Variants in IQCJ observed in about 807,000 individuals in gnomAD.
The protein encoded by IQCJ is IQ domain-containing protein J.
Under a neutral mutation model 11.0 loss-of-function variants are expected in IQCJ, and 9 were observed. The ratio of observed to expected loss-of-function variants is 0.82; its 90% CI spans 0.49 to 1.43. The LOEUF is 1.43. Among genes scored for constraint, IQCJ ranks in the 40% most tolerant of loss-of-function variants. IQCJ has a pLI of 0.00. For missense variants in IQCJ, 146 were observed against 133.2 expected (o/e 1.10, Z -0.47); for synonymous variants, 55 against 51.3 (o/e 1.07, Z -0.31).
chr3:159,140,649 T>C (rs995593576), intron 1 of IQCJ, among the ~76,000 whole-genome samples: 14 of 152,168 alleles, frequency 9.2e-5, no homozygotes, highest in African/African-American at 3.4e-4. Context: ...GGGTCTGGAA[T>C]GAAAGTGATT....
intron 1 of IQCJ, among the ~76,000 whole-genome samples, chr3:159,132,501 G>A (rs1486173096): frequency 3.3e-5 from 5 of 152,106 alleles, no homozygotes; most frequent in Non-Finnish European, 5.9e-5. Context: ...GAGAAAGATG[G>A]GTGAGTAATG....
At chr3:159,194,891 C>T (rs146109104) in intron 1 of IQCJ, among the ~76,000 whole-genome samples, 2 of 151,996 alleles carry the variant, frequency 1.3e-5, no homozygotes, top group Non-Finnish European at 2.9e-5. Context: ...AGTGGGCAGA[C>T]CATGAGGTTA....
chr3:159,108,137 G>A (rs763219516), intron 1 of IQCJ, among the ~76,000 whole-genome samples: 1 of 151,994 alleles, frequency 6.6e-6, no homozygotes. Flanking sequence ...TTTGCACAAT[G>A]TAAGTGGCCT....
chr3:159,136,473 CA>C (rs1439390023), intron 1 of IQCJ, among the ~76,000 whole-genome samples: 4 of 152,134 alleles, frequency 2.6e-5, no homozygotes, highest in Admixed American at 2.0e-4. Context: ...ATATCTAAGG[CA>C]AAAGACTCAT....
intron 1 of IQCJ, among the ~76,000 whole-genome samples, chr3:159,110,058 C>T (rs1424101683): frequency 6.6e-6 from 1 of 152,134 alleles, no homozygotes; most frequent in African/African-American, 2.4e-5. Context: ...CTGCCTTCAA[C>T]TTCATGCTTT....
chr3:159,156,456 G>C (rs1721527716), intron 1 of IQCJ, among the ~76,000 whole-genome samples: 1 of 152,178 alleles, frequency 6.6e-6, no homozygotes, highest in Non-Finnish European at 1.5e-5. Flanking sequence ...AGAAGAGGCT[G>C]TATGGCACGT....
chr3:159,246,122 T>A (rs903826231), intron 2 of IQCJ, among the ~76,000 whole-genome samples: 1 of 151,022 alleles, frequency 6.6e-6, no homozygotes, highest in African/African-American at 2.5e-5. Context: ...CAGAGTAATA[T>A]GATGCCTGGA....
intron 2 of IQCJ, among the ~76,000 whole-genome samples, chr3:159,249,384 G>A (rs1351039334): frequency 6.6e-6 from 1 of 152,098 alleles, no homozygotes; most frequent in African/African-American, 2.4e-5. Flanking sequence ...GAAATGACCA[G>A]TTTGTTTTGT....
chr3:159,242,593 G>T (rs904721129), intron 1 of IQCJ, among the ~76,000 whole-genome samples: 1 of 144,808 alleles, frequency 6.9e-6, no homozygotes, highest in Non-Finnish European at 1.5e-5. Context: ...TTTGGTATCA[G>T]AAAAACAATA....
At chr3:159,106,975 C>A (rs187310077) in intron 1 of IQCJ, among the ~76,000 whole-genome samples, 1 of 152,148 alleles carries the variant, frequency 6.6e-6, no homozygotes, top group Non-Finnish European at 1.5e-5. Context: ...ATTACTTTGA[C>A]TGTACAGATA....
At chr3:159,112,548 T>C (rs1718695913) in intron 1 of IQCJ, among the ~76,000 whole-genome samples, 1 of 151,976 alleles carries the variant, frequency 6.6e-6, no homozygotes, top group South Asian at 2.1e-4. Context: ...TGACAAAGGC[T>C]GCTAGACAGA....
At chr3:159,202,690 G>A (rs1435760985) in intron 1 of IQCJ, among the ~76,000 whole-genome samples, 1 of 152,128 alleles carries the variant, frequency 6.6e-6, no homozygotes, top group Non-Finnish European at 1.5e-5. Context: ...TAGAGACATG[G>A]TCTTGTTATG....
intron 1 of IQCJ, among the ~76,000 whole-genome samples, chr3:159,190,115 G>A (rs971110071): frequency 1.7e-4 from 26 of 152,098 alleles, no homozygotes; most frequent in African/African-American, 5.3e-4. Context: ...TTCCTGATAC[G>A]TGGCTGGCCC....
chr3:159,135,996 T>C (rs1720267877), intron 1 of IQCJ, among the ~76,000 whole-genome samples: 1 of 152,226 alleles, frequency 6.6e-6, no homozygotes, highest in Non-Finnish European at 1.5e-5. Context: ...AAGTAAGTAC[T>C]GTCACTATCC....
At chr3:159,089,189 G>A (rs1717039393) in intron 1 of IQCJ, among the ~76,000 whole-genome samples, 1 of 151,960 alleles carries the variant, frequency 6.6e-6, no homozygotes, top group Non-Finnish European at 1.5e-5. Flanking sequence ...AGCTTAGTTT[G>A]GCTGGATATG....
chr3:159,262,085 G>T (rs1012958267), intron 3 of IQCJ, among the ~76,000 whole-genome samples: 1 of 152,190 alleles, frequency 6.6e-6, no homozygotes, highest in Non-Finnish European at 1.5e-5. Flanking sequence ...AGCTGTGCAC[G>T]GCAGAGTCCC....
chr3:159,129,486 G>T (rs987009523), intron 1 of IQCJ, among the ~76,000 whole-genome samples: 1 of 152,106 alleles, frequency 6.6e-6, no homozygotes, highest in Non-Finnish European at 1.5e-5. Flanking sequence ...TTCTTTGTTT[G>T]CTCAGCACTG....
intron 1 of IQCJ, among the ~76,000 whole-genome samples, chr3:159,230,360 AT>A (rs1245992582): frequency 2.0e-5 from 3 of 152,176 alleles, no homozygotes; most frequent in Non-Finnish European, 4.4e-5. Context: ...ATACAAGTGC[AT>A]GTGTCTTTTT....
At chr3:159,239,952 C>T (rs1210847087) in intron 1 of IQCJ, among the ~76,000 whole-genome samples, 3 of 152,044 alleles carry the variant, frequency 2.0e-5, no homozygotes, top group Non-Finnish European at 2.9e-5. Context: ...GATGTTCACA[C>T]AATGATGAAA....
Sources: gnomAD v4.1 joint callset for allele counts (sites outside exome capture counted in the v4.1 genomes callset) on GRCh38, gnomAD v4.1.1 for gene constraint, MANE v1.5 for transcripts, NCBI Gene and HGNC (gene_info 2026-07-23, HGNC 2026-07-21) for gene names.